The following ECPAS variants were observed in gnomAD, a reference collection of about 807,000 sequenced individuals.
ECPAS encodes proteasome adapter and scaffold protein ECM29.
Under a neutral mutation model 255.1 loss-of-function variants are expected in ECPAS, and 70 were observed. The ratio of observed to expected loss-of-function variants is 0.27; its 90% CI spans 0.23 to 0.33. The LOEUF is 0.33. ECPAS is among the 10% of genes least tolerant of loss of function. The pLI is 1.00. For synonymous variants in ECPAS, 784 were observed against 775.0 expected, an observed-to-expected ratio of 1.01 and a Z score of -0.19; for missense variants, 1,817 against 2,206.4, an observed-to-expected ratio of 0.82 and a Z score of 3.54.
At chr9:111,483,232 CGGGCCA>C (rs1167907553) in intron 1 of ECPAS, among the ~76,000 whole-genome samples, 3 of 151,870 alleles carry the variant, frequency 2.0e-5, no homozygotes, top group East Asian at 1.9e-4. Context: ...CCCCCGACCC[CGGGCCA>C]GGGCGGATCG....
chr9:111,428,066 A>G lies in ECPAS; in HGVS notation c.1026T>C (p.Ala342=). The G allele has an allele frequency of 6.2e-7, 1 of 1,613,606 alleles. No individual in the cohort carries two copies. Among genetic ancestry groups the G allele is most frequent in the Admixed American group, 1.7e-5 (1 of 59,958 alleles). ...VPHLLRSRQA[A]ETFPANIQVV... is the part of the protein sequence containing the mutation. ...CCTGAATGTTGGCTGGGAACGTTTCAGCAGCTTGTCTAGAGCGGAGGAGAT... is the reference window on the plus strand; with the variant it reads ...CCTGAATGTTGGCTGGGAACGTTTCGGCAGCTTGTCTAGAGCGGAGGAGAT... Residue 342 remains alanine, a synonymous_variant, in exon 10 of 50, where the codon GCT becomes GCC. Coordinates refer to ENST00000684092, the MANE Select transcript of ECPAS (RefSeq NM_001364929.1).
chr9:111,468,098 C>T lies in ECPAS; in HGVS notation c.22+4799G>A, dbSNP rs139818531. ...CCAGGAGGCAGAGGTTGCAGTGAGC[C>T]GAGATCACGCCACTGCACTTCAGCC... On this transcript the variant is annotated intron_variant, in intron 2 of 49. Transcript: ENST00000684092. 7.2e-5 allele frequency among the ~76,000 whole-genome samples: 11 copies of T among 152,130 alleles called. No homozygotes were observed. In the East Asian group the frequency reaches 1.7e-3, roughly 24 times the overall value.
At chr9:111,453,125 T>C (rs1303776986) in intron 2 of ECPAS, among the ~76,000 whole-genome samples, 2 of 152,122 alleles carry the variant, frequency 1.3e-5, no homozygotes, top group African/African-American at 4.8e-5. Context: ...CGAGTGCCTA[T>C]GGTCCCAGCT....
chr9:111,376,701 T>C (rs1183412305), intron 36 of ECPAS, among the ~76,000 whole-genome samples, 160 bp from the exon 37 acceptor site: 2 of 152,094 alleles, frequency 1.3e-5, no homozygotes, highest in Non-Finnish European at 2.9e-5. Context: ...CTAATTTCTT[T>C]TGACCTACAC....
intron 48 of ECPAS, chr9:111,365,638 C>G (rs117237136): frequency 0.074 from 11,220 of 152,534 alleles, 511 homozygotes; most frequent in Non-Finnish European, 0.1. Flanking sequence ...TGCACTCCAA[C>G]CTGAGTGACA....
chr9:111,443,707 G>A (rs2098249029), intron 4 of ECPAS, among the ~76,000 whole-genome samples: 1 of 152,010 alleles, frequency 6.6e-6, no homozygotes, highest in Non-Finnish European at 1.5e-5. Context: ...ACAAAATGAC[G>A]TCTGGACCAA....
chr9:111,401,373 A>C (rs1319990535), intron 24 of ECPAS, among the ~76,000 whole-genome samples: 1 of 152,186 alleles, frequency 6.6e-6, no homozygotes, highest in Non-Finnish European at 1.5e-5. Context: ...AGTTTTTATT[A>C]GGGATTTTGA....
At position 111,440,414 on chromosome 9, in the gene ECPAS, A is replaced by C. The variant is rs1168746483; in HGVS notation, c.497T>G (p.Leu166Arg). The C allele has an allele frequency of 6.2e-7, 1 of 1,613,596 alleles. No individual in the cohort carries two copies. The highest frequency in any genetic ancestry group is 8.5e-7 in the Non-Finnish European group (1 of 1,179,676). The change falls in exon 6 of 50, where the codon CTG becomes CGG. Residue 166 changes from leucine to arginine, a missense_variant. Physicochemically the swap from Leu to Arg is moderately radical, Grantham distance 102. This residue lies in a region of ECPAS where 573 missense variants were observed against 716.2 expected (regional missense o/e 0.80). Transcript: ENST00000684092. ...NLAEKPKTVQ[L>R]LLDFMLDVLL... is the part of the protein sequence containing the mutation. The stretch of plus-strand genomic sequence containing the variant: ...GACATCTAGCATGAAGTCCAAAAGC[A>C]GCTGCACAGTCTTTGGTTTCTCAGC...
intron 2 of ECPAS, among the ~76,000 whole-genome samples, chr9:111,452,650 T>TA (rs1347788399): frequency 6.6e-6 from 1 of 152,174 alleles, no homozygotes; most frequent in Admixed American, 6.5e-5. Flanking sequence ...AATAATTTTC[T>TA]ACAGGAAGAT....
At chr9:111,396,705 C>T (rs569728731) in intron 25 of ECPAS, among the ~76,000 whole-genome samples, 1 of 152,196 alleles carries the variant, frequency 6.6e-6, no homozygotes, top group East Asian at 1.9e-4. Flanking sequence ...GCTTGTGCCA[C>T]CACGCCCAGC....
intron 24 of ECPAS, among the ~76,000 whole-genome samples, chr9:111,401,115 AAAGT>A (rs2098175337): frequency 6.6e-6 from 1 of 152,340 alleles, no homozygotes; most frequent in South Asian, 2.1e-4. Flanking sequence ...CAAAGTGCTA[AAAGT>A]AAGAAAGAAA....
At chr9:111,432,375 A>C (rs1345497833) in intron 8 of ECPAS, among the ~76,000 whole-genome samples, 1 of 152,250 alleles carries the variant, frequency 6.6e-6, no homozygotes, top group African/African-American at 2.4e-5. Context: ...GCACTTTGGG[A>C]GGCCAAGCTG....
At position 111,378,657 on chromosome 9, in the gene ECPAS, C is replaced by T. The variant is rs756667010; in HGVS notation, c.3877G>A (p.Ala1293Thr). 1 of 1,613,878 alleles carries T rather than the reference C, an allele frequency of 6.2e-7. No individual in the cohort carries two copies. The highest frequency in any genetic ancestry group is 1.7e-5 in the Admixed American group (1 of 60,028). ...LKPHAPKLIP[A>T]LLESLSVLEP... ...AATACACTTAAGGACTCTAGCAGAG[C>T]TGGAATGAGTTTTGGTGCATGCGGT... Residue 1293 changes from alanine to threonine, a missense_variant, in exon 36 of 50, where the codon GCT becomes ACT. Physicochemically the swap from Ala to Thr is moderately conservative, Grantham distance 58. This residue lies in a region of ECPAS where 960 missense variants were observed against 1,179.0 expected (regional missense o/e 0.81). Transcript: ENST00000684092.
intron 2 of ECPAS, among the ~76,000 whole-genome samples, chr9:111,452,376 A>C (rs992347968): frequency 6.6e-6 from 1 of 152,202 alleles, no homozygotes; most frequent in Non-Finnish European, 1.5e-5. Flanking sequence ...CATTTATAAA[A>C]ATTCATCAAA....
chr9:111,396,892 T>C (rs2131636391), intron 25 of ECPAS, 138 bp downstream of exon 25: 1 of 1,161,802 alleles, frequency 8.6e-7, no homozygotes, highest in South Asian at 1.4e-5. Context: ...TTTTCTTGAC[T>C]GAATGAAATT....
chr9:111,479,585 T>TC (rs2098301063), intron 1 of ECPAS, among the ~76,000 whole-genome samples: 1 of 152,022 alleles, frequency 6.6e-6, no homozygotes, highest in South Asian at 2.1e-4. Context: ...AGAGCAAGAC[T>TC]CCGTCTCCAG....
chr9:111,373,033 A>G, intron 41 of ECPAS, 137 bp downstream of exon 41: 2 of 815,936 alleles, frequency 2.5e-6, no homozygotes, highest in East Asian at 2.5e-5. Context: ...CACCATCTCA[A>G]AAAAAAAGAA....
intron 24 of ECPAS, among the ~76,000 whole-genome samples, chr9:111,400,886 AG>A (rs1408541767): frequency 1.4e-4 from 22 of 152,236 alleles, no homozygotes; most frequent in African/African-American, 5.1e-4. Flanking sequence ...TTCAGAACCT[AG>A]AAAAAGATGA....
intron 11 of ECPAS, 23 bp from the exon 12 acceptor site, chr9:111,425,519 C>CA (rs745548252): frequency 9.3e-6 from 14 of 1,507,864 alleles, no homozygotes; most frequent in Non-Finnish European, 1.2e-5. Flanking sequence ...CACACATACA[C>CA]AAAGCAAGAT....
Sources: allele counts gnomAD v4.1 joint callset (sites outside exome capture counted in the v4.1 genomes callset), GRCh38; gene constraint gnomAD v4.1.1; regional missense constraint gnomAD v4.1.1; transcripts MANE v1.5; gene names NCBI Gene and HGNC (gene_info 2026-07-23, HGNC 2026-07-21).